HYCC1: variants seen among roughly 807,000 people sequenced by gnomAD.
HYCC1 encodes hyccin PI4KA lipid kinase complex subunit 1, also known as hyccin.
chr7:22,906,274 C>T, the HYCC1 span, among the ~76,000 whole-genome samples: 2 of 152,180 alleles, frequency 1.3e-5, no homozygotes, highest in East Asian at 1.9e-4. Flanking sequence ...AAAATGGACT[C>T]GTGTATTTAT....
chr7:22,990,695 T>C, the HYCC1 span, among the ~76,000 whole-genome samples: 1 of 152,168 alleles, frequency 6.6e-6, no homozygotes, highest in Non-Finnish European at 1.5e-5. Context: ...CTTCCCATCC[T>C]CTCCTCATTG....
chr7:23,012,514 GAT>G, the HYCC1 span, among the ~76,000 whole-genome samples: 36 of 152,250 alleles, frequency 2.4e-4, no homozygotes, highest in African/African-American at 6.5e-4. Context: ...CTAAATATGT[GAT>G]GCTTTTCCCC....
At chr7:22,976,183 A>G in the HYCC1 span, 3 of 1,347,600 alleles carry the variant, frequency 2.2e-6, no homozygotes, top group Non-Finnish European at 3.2e-6. Context: ...ATATTTCAAT[A>G]TTAGAAGCAC....
chr7:22,939,536 C>T, the HYCC1 span: 10 of 152,290 alleles, frequency 6.6e-5, no homozygotes, highest in African/African-American at 2.4e-4. Context: ...TGTTTGACCA[C>T]TAAAACACAA....
chr7:22,941,827 C>T, the HYCC1 span: 29 of 152,166 alleles, frequency 1.9e-4, no homozygotes, highest in East Asian at 3.1e-3. Flanking sequence ...TAAATTCATG[C>T]TCATTAAAGG....
chr7:22,965,004 T>G, the HYCC1 span, among the ~76,000 whole-genome samples: 1 of 151,980 alleles, frequency 6.6e-6, no homozygotes, highest in East Asian at 1.9e-4. Context: ...TATGGTGGCA[T>G]GTGCCTGTAT....
the HYCC1 span, among the ~76,000 whole-genome samples, chr7:22,959,714 A>C: frequency 1.3e-5 from 2 of 152,154 alleles, no homozygotes; most frequent in African/African-American, 4.8e-5. Context: ...AAATAATAAA[A>C]TGAAGCAGAC....
chr7:22,939,661 T>C, the HYCC1 span: 1 of 152,300 alleles, frequency 6.6e-6, no homozygotes, highest in South Asian at 2.1e-4. Context: ...TAAATACATC[T>C]CTATTAGGTA....
the HYCC1 span, among the ~76,000 whole-genome samples, chr7:22,950,740 C>T: frequency 6.6e-6 from 1 of 151,620 alleles, no homozygotes; most frequent in Non-Finnish European, 1.5e-5. Flanking sequence ...CAGAGGATGG[C>T]ATATATAGCT....
At chr7:22,977,255 A>T in the HYCC1 span, 4 of 867,846 alleles carry the variant, frequency 4.6e-6, no homozygotes, top group Middle Eastern at 2.2e-4. Context: ...AAATTGATCA[A>T]TTTTTTTCCT....
the HYCC1 span, chr7:22,946,070 G>C: frequency 6.2e-7 from 1 of 1,613,500 alleles, no homozygotes; most frequent in Non-Finnish European, 8.5e-7. Flanking sequence ...TGATAAACCC[G>C]ACTGGCTGGT....
chr7:22,970,609 A>C, the HYCC1 span, among the ~76,000 whole-genome samples: 1 of 152,212 alleles, frequency 6.6e-6, no homozygotes, highest in Non-Finnish European at 1.5e-5. Context: ...CTCTCCAAGG[A>C]GGTATCATTT....
At chr7:23,001,209 G>C in the HYCC1 span, among the ~76,000 whole-genome samples, 1 of 152,042 alleles carries the variant, frequency 6.6e-6, no homozygotes. Flanking sequence ...GCGATTTATT[G>C]GAATTTTAAT....
At chr7:22,907,261 C>G in the HYCC1 span, among the ~76,000 whole-genome samples, 1 of 152,074 alleles carries the variant, frequency 6.6e-6, no homozygotes, top group African/African-American at 2.4e-5. Context: ...ACTAAGATGC[C>G]TGGATTTTTA....
the HYCC1 span, among the ~76,000 whole-genome samples, chr7:23,010,538 G>A: frequency 2.6e-5 from 4 of 152,178 alleles, no homozygotes; most frequent in African/African-American, 7.2e-5. Flanking sequence ...GATTATAAAG[G>A]CACACAGGAA....
the HYCC1 span, among the ~76,000 whole-genome samples, chr7:23,002,949 C>A: frequency 1.3e-5 from 2 of 152,266 alleles, no homozygotes; most frequent in Non-Finnish European, 2.9e-5. Flanking sequence ...CTCCCTATGT[C>A]TTCACATTGT....
chr7:22,933,672 C>T, the HYCC1 span, among the ~76,000 whole-genome samples: 5 of 152,104 alleles, frequency 3.3e-5, no homozygotes, highest in African/African-American at 1.2e-4. Context: ...CTTCAATATG[C>T]ATAAATATGT....
the HYCC1 span, chr7:22,978,027 CT>C: frequency 1.7e-6 from 1 of 591,224 alleles, no homozygotes; most frequent in Non-Finnish European, 3.0e-6. Flanking sequence ...TCAGATATCT[CT>C]ATAAAAGAAA....
At chr7:22,928,696 C>T in the HYCC1 span, among the ~76,000 whole-genome samples, 1 of 152,034 alleles carries the variant, frequency 6.6e-6, no homozygotes, top group Non-Finnish European at 1.5e-5. Context: ...AGGATACAAA[C>T]AAATGGAAGA....
Sources: allele counts gnomAD v4.1 joint callset (sites outside exome capture counted in the v4.1 genomes callset), GRCh38; gene constraint gnomAD v4.1.1; transcripts MANE v1.5; gene names NCBI Gene and HGNC (gene_info 2026-07-23, HGNC 2026-07-21).